Variants in RLN2 observed in about 807,000 individuals in gnomAD.
RLN2 encodes the protein prorelaxin H2.
Under a neutral mutation model 7.3 loss-of-function variants are expected in RLN2, and 10 were observed. The observed-to-expected ratio is 1.36, with a 90% CI of 0.84 to 2.31. The LOEUF (loss-of-function observed/expected upper bound fraction) is 2.31. Ranked by LOEUF, RLN2 falls within the 30% of genes most tolerant of loss-of-function variation. The pLI is 0.00. For missense variants in RLN2, 298 were observed against 217.6 expected, an observed-to-expected ratio of 1.37 and a Z score of -2.32; for synonymous variants, 103 against 82.3, an observed-to-expected ratio of 1.25 and a Z score of -1.36.
the RLN2 span, among the ~76,000 whole-genome samples, chr9:5,320,918 A>G: frequency 2.0e-4 from 30 of 152,126 alleles, no homozygotes; most frequent in East Asian, 5.6e-3. Context: ...GGATAAATCT[A>G]CAACTGCAAC....
chr9:5,329,159 C>T, the RLN2 span, among the ~76,000 whole-genome samples: 41 of 150,750 alleles, frequency 2.7e-4, no homozygotes, highest in African/African-American at 8.3e-4. Context: ...AAAAATTAGC[C>T]GGGCGCGGTG....
At chr9:5,334,809 TGAG>T in the RLN2 span, among the ~76,000 whole-genome samples, 2 of 152,080 alleles carry the variant, frequency 1.3e-5, no homozygotes. Flanking sequence ...TGGTTTGCAA[TGAG>T]TAGTTCAATA....
At chr9:5,331,128 T>A in the RLN2 span, among the ~76,000 whole-genome samples, 1 of 151,950 alleles carries the variant, frequency 6.6e-6, no homozygotes, top group African/African-American at 2.4e-5. Context: ...CCAAAAAATG[T>A]CCAGGACCAG....
chr9:5,306,147 C>T (rs188232005), upstream of RLN2, among the ~76,000 whole-genome samples: 55 of 134,598 alleles, frequency 4.1e-4, no homozygotes, highest in African/African-American at 1.4e-3. Context: ...TGGCTCTTGT[C>T]GCCAGGCTGG....
chr9:5,311,395 C>T, the RLN2 span: 1 of 493,622 alleles, frequency 2.0e-6, no homozygotes, highest in South Asian at 2.1e-5. Context: ...TCTCATTGGA[C>T]ACATTCTTAA....
chr9:5,300,065 A>C lies in RLN2; in HGVS notation c.*33T>G, dbSNP rs773024569. 1.5e-6 allele frequency: 2 copies of C among 1,323,544 alleles called. No homozygotes were observed. Among genetic ancestry groups the C allele is most frequent in the South Asian group, 2.7e-5 (2 of 74,108 alleles). 82.0% of individuals were successfully genotyped at this position (1,323,544 alleles called of 1,614,324 possible). On this transcript the variant is annotated 3_prime_UTR_variant, in exon 2 of 2. Transcript: ENST00000381627. The stretch of plus-strand genomic sequence containing the variant: ...GAAATGTCATTAAGAATATGTGTGA[A>C]TATTATACGAGATGTGCACAATTAG...
the RLN2 span, among the ~76,000 whole-genome samples, chr9:5,328,264 T>G: frequency 2.6e-5 from 4 of 151,996 alleles, no homozygotes; most frequent in African/African-American, 9.7e-5. Flanking sequence ...TCGTGACGCA[T>G]GCACAAGCTT....
the RLN2 span, among the ~76,000 whole-genome samples, chr9:5,331,258 A>T: frequency 1.3e-5 from 2 of 152,024 alleles, no homozygotes; most frequent in Non-Finnish European, 1.5e-5. Context: ...TGGGGCTAGC[A>T]TCATCCTGAA....
chr9:5,300,316 G>C lies in RLN2; in HGVS notation c.340C>G (p.Gln114Glu). ...GAATCTTTTAATACAGGTACATGTT[G>C]TTGTAGCTGTGGTAATGCTGGCTGC... The part of the protein sequence containing the change: ...EMQPALPQLQ[Q>E]HVPVLKDSSL... Residue 114 changes from glutamine (Q) to glutamate (E), a missense_variant, in exon 2 of 2, where the codon CAA becomes GAA. Transcript: ENST00000381627. 1.2e-6 allele frequency: 2 copies of C among 1,613,406 alleles called. No homozygotes were observed.
the RLN2 span, among the ~76,000 whole-genome samples, chr9:5,337,397 G>T: frequency 4.6e-5 from 7 of 152,010 alleles, no homozygotes; most frequent in South Asian, 1.5e-3. Context: ...AACACTTTTA[G>T]CTATGGAACC....
At chr9:5,304,341 G>A (rs912532434) in intron 1 of RLN2, 29 bp downstream of exon 1, 2 of 1,502,980 alleles carry the variant, frequency 1.3e-6, no homozygotes, top group Non-Finnish European at 1.8e-6. Context: ...GGAAGCGCGG[G>A]AAGGCCGGGA....
chr9:5,326,226 T>C, the RLN2 span, among the ~76,000 whole-genome samples: 1 of 152,074 alleles, frequency 6.6e-6, no homozygotes, highest in Non-Finnish European at 1.5e-5. Context: ...AACATACCAT[T>C]ATTTTGTTTG....
At chr9:5,309,861 C>A in the RLN2 span, among the ~76,000 whole-genome samples, 1 of 151,928 alleles carries the variant, frequency 6.6e-6, no homozygotes, top group African/African-American at 2.4e-5. Context: ...TGGGTGGAAG[C>A]ATGGGAGCAC....
chr9:5,314,282 CA>C, the RLN2 span, among the ~76,000 whole-genome samples: 1 of 152,014 alleles, frequency 6.6e-6, no homozygotes, highest in Non-Finnish European at 1.5e-5. Flanking sequence ...TGTTGCGCAC[CA>C]TCCACAAGCT....
chr9:5,322,468 C>T, the RLN2 span, among the ~76,000 whole-genome samples: 1 of 152,022 alleles, frequency 6.6e-6, no homozygotes, highest in Non-Finnish European at 1.5e-5. Context: ...TTAAGCCAAC[C>T]AAGTGACACA....
At chr9:5,304,762 C>CCACCCCTTTCCCA, upstream of RLN2, 1 of 626,838 alleles carries the variant, frequency 1.6e-6, no homozygotes, top group Non-Finnish European at 2.8e-6. Context: ...GGTGCCAGCT[C>CCACCCCTTTCCCA]CACCCCTTTC....
upstream of RLN2, among the ~76,000 whole-genome samples, chr9:5,306,120 T>TG (rs1281176279): frequency 1.3e-5 from 2 of 150,474 alleles, no homozygotes; most frequent in Non-Finnish European, 3.0e-5. Context: ...TTTTTTTTTT[T>TG]TTTTTTTAAC....
At chr9:5,320,509 G>C in the RLN2 span, among the ~76,000 whole-genome samples, 2 of 151,232 alleles carry the variant, frequency 1.3e-5, no homozygotes, top group Non-Finnish European at 2.9e-5. Flanking sequence ...TAGCTGGAAC[G>C]ACAGGTGTGT....
the RLN2 span, among the ~76,000 whole-genome samples, chr9:5,324,305 A>G: frequency 6.6e-6 from 1 of 152,066 alleles, no homozygotes; most frequent in Non-Finnish European, 1.5e-5. Flanking sequence ...ACTCAATATA[A>G]CTTCTAATAC....
Sources: allele counts gnomAD v4.1 joint callset (sites outside exome capture counted in the v4.1 genomes callset), GRCh38; gene constraint gnomAD v4.1.1; transcripts MANE v1.5; gene names NCBI Gene and HGNC (gene_info 2026-07-23, HGNC 2026-07-21).